Variants in PPP6R1 observed in about 807,000 individuals in gnomAD.
PPP6R1 encodes serine/threonine-protein phosphatase 6 regulatory subunit 1.
PPP6R1 carries 39 observed loss-of-function variants against 104.6 expected under a neutral mutation model. The observed-to-expected ratio is 0.37, with a 90% CI of 0.29 to 0.49. PPP6R1 has a LOEUF of 0.49. PPP6R1 is among the 20% of genes least tolerant of loss of function. The pLI, the probability that PPP6R1 is intolerant of heterozygous loss-of-function variation, is 0.98. For missense variants in PPP6R1, 1,181 were observed against 1,155.8 expected (o/e 1.02, Z -0.32); for synonymous variants, 549 against 479.0 (o/e 1.15, Z -1.91).
rs772780886 is a variant in PPP6R1, at chr19:55,247,038, C to T, written c.66G>A (p.Leu22=). Reference sequence around the variant, plus strand: ...CCTCGTCCAGCAGCTCGGGCAGGCTCAGGTCCTCCCGCTCCAGCAGCGTGT... The same window carrying T: ...CCTCGTCCAGCAGCTCGGGCAGGCTTAGGTCCTCCCGCTCCAGCAGCGTGT... ...HLDTLLERED[L]SLPELLDEED... is the part of the protein sequence containing the mutation. The change falls in exon 2 of 24, where the codon CTG becomes CTA. Residue 22 remains leucine (L), a synonymous_variant. Coordinates refer to ENST00000412770, the MANE Select transcript of PPP6R1 (RefSeq NM_014931.4). 6.2e-7 allele frequency: 1 copy of T among 1,613,874 alleles called. No homozygotes were observed. The highest frequency in any genetic ancestry group is 1.1e-5 in the South Asian group (1 of 91,090).
In PPP6R1 at chr19:55,257,571, T is replaced by TC. The variant is rs34637729; in HGVS notation, c.-7+863dup. Among the ~76,000 whole-genome samples the TC allele has an allele frequency of 9.1e-3, 1,371 of 150,566 alleles. 3 individuals carry two copies. Among genetic ancestry groups the TC allele is most frequent in the African/African-American group, 0.012 (492 of 40,876 alleles). On this transcript the variant is annotated intron_variant, in intron 1 of 23. Coordinates refer to ENST00000412770, the MANE Select transcript of PPP6R1 (RefSeq NM_014931.4). ...TGACATATCTGCACGTGCTGCTCCT[T>TC]CCCCCCCCGGAAGGCCCTTCTTCCC... is the stretch of plus-strand genomic sequence containing the variant.
At chr19:55,239,803 C>T (rs1457009828) in intron 13 of PPP6R1, 23 bp downstream of exon 13, 1 of 1,611,222 alleles carries the variant, frequency 6.2e-7, no homozygotes, top group Non-Finnish European at 8.5e-7. Context: ...AGGAGGAGTG[C>T]AGGAAGAGAA....
intron 1 of PPP6R1, among the ~76,000 whole-genome samples, chr19:55,254,267 A>T (rs534341844): frequency 3.3e-5 from 5 of 152,338 alleles, no homozygotes; most frequent in African/African-American, 1.2e-4. Flanking sequence ...CCGTTTGAAA[A>T]CCATGAGTCT....
chr19:55,255,199 A>C (rs1262148654), intron 1 of PPP6R1, among the ~76,000 whole-genome samples: 1 of 152,228 alleles, frequency 6.6e-6, no homozygotes, highest in East Asian at 1.9e-4. Context: ...AGGATGGAAT[A>C]ACTAGGAAAC....
intron 1 of PPP6R1, among the ~76,000 whole-genome samples, chr19:55,254,174 C>T (rs1191704513): frequency 6.6e-6 from 1 of 152,228 alleles, no homozygotes; most frequent in Admixed American, 6.5e-5. Context: ...CTACGGCAGG[C>T]GCCATGCACC....
At chr19:55,231,055 C>G (rs1200150828) in intron 21 of PPP6R1, 171 bp from the exon 22 acceptor site, 3 of 639,078 alleles carry the variant, frequency 4.7e-6, no homozygotes, top group Non-Finnish European at 8.2e-6. Context: ...ACAGCACAGC[C>G]CTGGACAGGA....
chr19:55,248,341 A>G (rs2087527437), intron 1 of PPP6R1, among the ~76,000 whole-genome samples: 2 of 152,206 alleles, frequency 1.3e-5, no homozygotes, highest in Non-Finnish European at 2.9e-5. Context: ...GGAATCTCGA[A>G]GGCCATCTGG....
chr19:55,252,973 C>T (rs138115061), intron 1 of PPP6R1, among the ~76,000 whole-genome samples: 11 of 152,338 alleles, frequency 7.2e-5, no homozygotes, highest in South Asian at 6.2e-4. Context: ...TATGTCCCAG[C>T]GTCCGCAGAG....
intron 17 of PPP6R1, chr19:55,232,500 G>C (rs2087358914): frequency 2.4e-6 from 1 of 420,762 alleles, no homozygotes; most frequent in Admixed American, 4.0e-5. Flanking sequence ...CTGAGCCTCA[G>C]CCATGGCAAC....
chr19:55,231,831 G>A lies in PPP6R1; in HGVS notation c.2277C>T (p.Ser759=). Reference sequence around the variant, plus strand: ...GCTGCAGGGCGTCACGGGCAGGAGGGCTGGCCAGGCTCTGAGTGGGGAGGC... The same window carrying A: ...GCTGCAGGGCGTCACGGGCAGGAGGACTGGCCAGGCTCTGAGTGGGGAGGC... ...PQGLPTQSLA[S]PPARDALQLR... Residue 759 remains serine, a synonymous_variant, in exon 19 of 24, where the codon AGC becomes AGT. Coordinates refer to ENST00000412770, the MANE Select transcript of PPP6R1 (RefSeq NM_014931.4). The A allele has an allele frequency of 2.7e-6, 4 of 1,502,882 alleles. No individual in the cohort carries two copies. The highest frequency in any genetic ancestry group is 2.3e-5 in the East Asian group (1 of 43,016). 93.1% of individuals were successfully genotyped at this position (1,502,882 alleles called of 1,614,324 possible). A position where few individuals can be genotyped will look rare whatever the true frequency, so the allele number is the denominator to read the frequency against.
rs73935334 is a variant in PPP6R1 at position 55,231,298 on chromosome 19, T to C, written c.2459+112A>G. On this transcript the variant is annotated intron_variant, in intron 21 of 23. Coordinates refer to ENST00000412770, the MANE Select transcript of PPP6R1 (RefSeq NM_014931.4). ...CACAACATGAGGCTGCGCCTGGGGG[T>C]CCTGCAAAGGAGGCCTGGAGCAGCT... is the stretch of plus-strand genomic sequence containing the variant. 2,169 of 1,263,698 alleles carry C rather than the reference T, an allele frequency of 1.7e-3. 31 individuals carry two copies. The African/African-American group carries it at 0.029, about 17-fold the overall frequency. The allele number at this position is 1,263,698 out of a possible 1,614,324, so 78.3% of individuals were successfully genotyped here.
rs766704438 is a variant in PPP6R1, at chr19:55,236,630, G to C, written c.1988+13C>G. On this transcript the variant is annotated intron_variant, in intron 17 of 23. Transcript: ENST00000412770. ...GTGGAAGCTTGGAGAAGGGAAACTG[G>C]AGGGGGACTCACCGGACACCAGGTG... The C allele has an allele frequency of 1.3e-6, 2 of 1,526,562 alleles. No homozygotes were observed. Among genetic ancestry groups the C allele is most frequent in the East Asian group, 4.6e-5 (2 of 43,514 alleles). The allele number at this position is 1,526,562 out of a possible 1,614,324, so 94.6% of individuals were successfully genotyped here.
chr19:55,238,522 T>C (rs1481123449), intron 15 of PPP6R1, among the ~76,000 whole-genome samples: 1 of 151,926 alleles, frequency 6.6e-6, no homozygotes, highest in East Asian at 1.9e-4. Flanking sequence ...CAAGACAGAG[T>C]CTCGCTCTGT....
chr19:55,240,144 C>T (rs1442839267), intron 11 of PPP6R1, 30 bp from the exon 12 acceptor site: 1 of 1,563,492 alleles, frequency 6.4e-7, no homozygotes, highest in East Asian at 2.4e-5. Context: ...CGGCTGCAAG[C>T]CAGGACTGGA....
intron 17 of PPP6R1, among the ~76,000 whole-genome samples, chr19:55,235,570 G>A (rs1187142859): frequency 1.3e-5 from 2 of 150,786 alleles, no homozygotes; most frequent in Non-Finnish European, 2.9e-5. Flanking sequence ...CCAGGCTGGA[G>A]TACAGTGGCG....
At chr19:55,239,340 C>G (rs1179272945) in intron 15 of PPP6R1, 65 bp downstream of exon 15, 3 of 1,474,760 alleles carry the variant, frequency 2.0e-6, no homozygotes, top group Admixed American at 3.7e-5. Flanking sequence ...GGGACAGATA[C>G]AAGTAGGCGC....
At chr19:55,228,644 C>CA, downstream of PPP6R1, 1 of 1,591,436 alleles carries the variant, frequency 6.3e-7, no homozygotes, top group South Asian at 1.1e-5. Context: ...GCTGGGGTTC[C>CA]AGGGCCCTGT....
chr19:55,232,052 G>A (rs1460251046), intron 18 of PPP6R1, 23 bp downstream of exon 18: 3 of 1,612,110 alleles, frequency 1.9e-6, no homozygotes, highest in Admixed American at 1.7e-5. Flanking sequence ...GTGTACACCT[G>A]ACCACACCGC....
intron 17 of PPP6R1, chr19:55,232,603 C>G (rs1363056698): frequency 5.5e-6 from 1 of 180,456 alleles, no homozygotes; most frequent in Non-Finnish European, 1.1e-5. Flanking sequence ...CACCAGCAGG[C>G]CCACCCTCTG....
Sources: gnomAD v4.1 joint callset for allele counts (sites outside exome capture counted in the v4.1 genomes callset) on GRCh38, gnomAD v4.1.1 for gene constraint, MANE v1.5 for transcripts, NCBI Gene and HGNC (gene_info 2026-07-23, HGNC 2026-07-21) for gene names.